The following NKAIN3 variants were observed in gnomAD, a reference collection of about 807,000 sequenced individuals.
The protein encoded by NKAIN3 is sodium/potassium-transporting ATPase subunit beta-1-interacting protein 3.
A neutral mutation model predicts 30.2 loss-of-function variants in NKAIN3; 25 were observed. The ratio of observed to expected loss-of-function variants is 0.83; its 90% confidence interval spans 0.60 to 1.16. The LOEUF (loss-of-function observed/expected upper bound fraction) is 1.16. NKAIN3 is among the 50% of genes most tolerant of loss of function. NKAIN3 has a pLI of 0.00. For missense variants in NKAIN3, 225 were observed against 254.1 expected (o/e 0.89, Z 0.78); for synonymous variants, 91 against 89.6 (o/e 1.02, Z -0.09).
rs76281676 is a variant in NKAIN3 at position 62,976,781 on chromosome 8, T to C, written c.*11374T>C. 3.3e-5 allele frequency among the ~76,000 whole-genome samples: 5 copies of C among 152,226 alleles called. No homozygotes were observed. Among genetic ancestry groups the C allele is most frequent in the African/African-American group, 9.6e-5 (4 of 41,462 alleles). On this transcript the variant is annotated 3_prime_UTR_variant, in exon 7 of 7. Coordinates refer to ENST00000623646, the MANE Select transcript of NKAIN3 (RefSeq NM_001304533.3). The stretch of plus-strand genomic sequence containing the variant: ...TGATGCAGCTTCTTCATAGTGTCGA[T>C]GGTCTTTACATTTTGGAATGTTTTT...
chr8:62,705,395 GACA>G, intron 3 of NKAIN3, among the ~76,000 whole-genome samples: 1 of 152,178 alleles, frequency 6.6e-6, no homozygotes, highest in Non-Finnish European at 1.5e-5. Context: ...GCCCTTTAGA[GACA>G]ACATTGGACC....
At chr8:62,693,647 T>C (rs1325196281) in intron 3 of NKAIN3, among the ~76,000 whole-genome samples, 1 of 152,176 alleles carries the variant, frequency 6.6e-6, no homozygotes, top group African/African-American at 2.4e-5. Flanking sequence ...ACCTCACACA[T>C]AAAGCAAATA....
At chr8:62,916,159 C>G (rs980204398) in intron 4 of NKAIN3, among the ~76,000 whole-genome samples, 1 of 152,040 alleles carries the variant, frequency 6.6e-6, no homozygotes, top group African/African-American at 2.4e-5. Context: ...AATGGCACTT[C>G]TGAAATAATA....
chr8:62,302,758 A>C (rs995220311), intron 1 of NKAIN3, among the ~76,000 whole-genome samples: 5 of 152,130 alleles, frequency 3.3e-5, no homozygotes, highest in African/African-American at 1.2e-4. Flanking sequence ...TTTTCTTCTT[A>C]GTAAACAAAA....
intron 4 of NKAIN3, among the ~76,000 whole-genome samples, chr8:62,844,175 G>A (rs1819608972): frequency 6.6e-6 from 1 of 152,128 alleles, no homozygotes; most frequent in African/African-American, 2.4e-5. Flanking sequence ...ATGGAACAGG[G>A]CAACTTTGGC....
chr8:62,683,953 T>C (rs1813721867), intron 3 of NKAIN3, among the ~76,000 whole-genome samples: 1 of 152,180 alleles, frequency 6.6e-6, no homozygotes, highest in Admixed American at 6.5e-5. Flanking sequence ...TAGTCAAGGC[T>C]CATTCTTAGC....
At chr8:62,557,392 A>G (rs568101649) in intron 1 of NKAIN3, among the ~76,000 whole-genome samples, 2 of 152,068 alleles carry the variant, frequency 1.3e-5, no homozygotes, top group East Asian at 3.9e-4. Flanking sequence ...TTTTCATATG[A>G]TGAATTATTT....
At chr8:62,369,613 A>C (rs1816843661) in intron 1 of NKAIN3, among the ~76,000 whole-genome samples, 1 of 152,050 alleles carries the variant, frequency 6.6e-6, no homozygotes, top group Non-Finnish European at 1.5e-5. Context: ...TTTGCTCTTG[A>C]GAGAATAATG....
intron 1 of NKAIN3, among the ~76,000 whole-genome samples, chr8:62,316,666 T>A (rs538485678): frequency 6.6e-6 from 1 of 152,358 alleles, no homozygotes; most frequent in East Asian, 1.9e-4. Flanking sequence ...ATTTTTTTAA[T>A]CCAGTCTATC....
chr8:62,799,548 A>G (rs1033595055), intron 4 of NKAIN3, among the ~76,000 whole-genome samples: 6 of 152,150 alleles, frequency 3.9e-5, no homozygotes, highest in African/African-American at 1.4e-4. Context: ...AAAAATAGTA[A>G]ATGTTGATGT....
At chr8:62,738,847 T>C (rs1815765179) in intron 3 of NKAIN3, among the ~76,000 whole-genome samples, 1 of 152,174 alleles carries the variant, frequency 6.6e-6, no homozygotes, top group Admixed American at 6.6e-5. Flanking sequence ...TAGATCCCAT[T>C]TGTCAATTTT....
chr8:62,569,716 C>T (rs189011398), intron 1 of NKAIN3, among the ~76,000 whole-genome samples: 201 of 150,548 alleles, frequency 1.3e-3, no homozygotes, highest in Middle Eastern at 6.8e-3. Context: ...GCAGAGGTTG[C>T]AGTGAGTCAA....
intron 5 of NKAIN3, among the ~76,000 whole-genome samples, chr8:62,919,190 T>A (rs1822197235): frequency 1.3e-5 from 2 of 149,244 alleles, no homozygotes. Flanking sequence ...TTGGCACAAC[T>A]CTGTTAGGGA....
intron 1 of NKAIN3, among the ~76,000 whole-genome samples, chr8:62,502,243 C>A (rs1315628715): frequency 6.6e-6 from 1 of 152,124 alleles, no homozygotes. Context: ...GCCCTTTCAT[C>A]TTCTGTTCTA....
Position 62,309,869 on chromosome 8 carries a change from T to A in NKAIN3, c.54+60742T>A, listed in dbSNP as rs997464410. Among the ~76,000 whole-genome samples, 8 of 150,384 alleles carry A rather than the reference T, an allele frequency of 5.3e-5. 1 individual carries two copies. Among genetic ancestry groups the A allele is most frequent in the African/African-American group, 2.0e-4 (8 of 39,784 alleles). ...GTTCTAGGCAAATGTGTAAGCAACA[T>A]ACCCTGAAATAGATGAGATGGAATA... On this transcript the variant is annotated intron_variant, in intron 1 of 6. Transcript: ENST00000623646.
In NKAIN3 at chr8:62,401,798, G is replaced by A. The variant is rs373351343; in HGVS notation, c.54+152671G>A. Among the ~76,000 whole-genome samples, 35 of 152,326 alleles carry A rather than the reference G, an allele frequency of 2.3e-4. 1 individual carries two copies. In the East Asian group the frequency reaches 6.2e-3, roughly 27 times the overall value. Reference sequence around the variant, plus strand: ...TCTCCCAAATAAACAGAGTCTTTCTGTCTGAACTGAGCTTCTAGGGCTGGG... The same window carrying A: ...TCTCCCAAATAAACAGAGTCTTTCTATCTGAACTGAGCTTCTAGGGCTGGG... On this transcript the variant is annotated intron_variant, in intron 1 of 6. Coordinates refer to ENST00000623646, the MANE Select transcript of NKAIN3 (RefSeq NM_001304533.3).
At chr8:62,378,162 A>G (rs552500873) in intron 1 of NKAIN3, among the ~76,000 whole-genome samples, 3 of 152,324 alleles carry the variant, frequency 2.0e-5, no homozygotes, top group Admixed American at 6.5e-5. Context: ...ACTGGAGTAA[A>G]GGTCACTCTT....
At chr8:62,781,470 G>A (rs1409441097) in intron 4 of NKAIN3, among the ~76,000 whole-genome samples, 1 of 151,674 alleles carries the variant, frequency 6.6e-6, no homozygotes, top group African/African-American at 2.4e-5. Flanking sequence ...AATATTCAAA[G>A]CAATCCTGAA....
chr8:62,637,325 C>T (rs1367822047), intron 3 of NKAIN3, among the ~76,000 whole-genome samples: 1 of 152,154 alleles, frequency 6.6e-6, no homozygotes, highest in Non-Finnish European at 1.5e-5. Context: ...GTAGGATGCC[C>T]ATGCAAATAA....
Sources: gnomAD v4.1 joint callset for allele counts (sites outside exome capture counted in the v4.1 genomes callset) on GRCh38, gnomAD v4.1.1 for gene constraint, MANE v1.5 for transcripts, NCBI Gene and HGNC (gene_info 2026-07-23, HGNC 2026-07-21) for gene names.